IMPG2: variants seen among roughly 807,000 people sequenced by gnomAD.
IMPG2 encodes the protein IPM 200.
IMPG2 carries 91 observed loss-of-function variants against 129.2 expected under a neutral mutation model. The observed-to-expected ratio is 0.70, with a 90% confidence interval of 0.59 to 0.84. The LOEUF is 0.84. Ranked by LOEUF, IMPG2 falls within the 40% of genes least tolerant of loss-of-function variation. The pLI, the probability that IMPG2 is intolerant of heterozygous loss-of-function variation, is 0.00. For missense variants in IMPG2, 1,430 were observed against 1,461.7 expected, an observed-to-expected ratio of 0.98 and a Z score of 0.35; for synonymous variants, 510 against 517.7, an observed-to-expected ratio of 0.99 and a Z score of 0.20.
At chr3:101,290,957 A>G (rs1707003238) in intron 4 of IMPG2, among the ~76,000 whole-genome samples, 1 of 152,124 alleles carries the variant, frequency 6.6e-6, no homozygotes, top group Admixed American at 6.5e-5. Context: ...AAAATCCCTT[A>G]CCTTCTGTCA....
intron 9 of IMPG2, among the ~76,000 whole-genome samples, chr3:101,263,968 C>T (rs1236710754): frequency 6.6e-6 from 1 of 151,362 alleles, no homozygotes; most frequent in Non-Finnish European, 1.5e-5. Context: ...TATGAATAAC[C>T]ATATGCCAAT....
chr3:101,246,937 C>T (rs1387460496), intron 11 of IMPG2, among the ~76,000 whole-genome samples: 1 of 151,726 alleles, frequency 6.6e-6, no homozygotes, highest in African/African-American at 2.4e-5. Flanking sequence ...ATCTCAACAA[C>T]AACAAAAAAT....
intron 4 of IMPG2, among the ~76,000 whole-genome samples, chr3:101,282,669 C>T (rs1218927990): frequency 6.6e-6 from 1 of 152,146 alleles, no homozygotes; most frequent in Non-Finnish European, 1.5e-5. Context: ...TACCCAATTT[C>T]ATTGTGAGAA....
rs896580120 is a variant in IMPG2 at position 101,222,869 on chromosome 3, A to T, written c.*4100T>A. 4 of 152,218 alleles carry T rather than the reference A, an allele frequency of 2.6e-5. No homozygotes were observed. Among genetic ancestry groups the T allele is most frequent in the Admixed American group, 2.0e-4 (3 of 15,276 alleles). The allele number at this position is 152,218 out of a possible 1,614,324, so 9.4% of individuals were successfully genotyped here. ...AATTATACCTGTATTCTCTGATACC[A>T]CAATTATTTTTTCTATATATAATCT... On this transcript the variant is annotated 3_prime_UTR_variant, in exon 19 of 19. Coordinates refer to ENST00000193391, the MANE Select transcript of IMPG2 (RefSeq NM_016247.4).
At chr3:101,233,043 G>A (rs1706307815) in intron 14 of IMPG2, 52 bp from the exon 15 acceptor site, 1 of 1,536,794 alleles carries the variant, frequency 6.5e-7, no homozygotes, top group Non-Finnish European at 9.0e-7. Context: ...ACAGAAACTG[G>A]GGTATACAAA....
chr3:101,234,458 G>A lies in IMPG2; in HGVS notation c.3023-1467C>T, dbSNP rs1434290116. On this transcript the variant is annotated intron_variant, in intron 14 of 18. Coordinates refer to ENST00000193391, the MANE Select transcript of IMPG2 (RefSeq NM_016247.4). ...AAGAACTGTGGGAGAATAAATTCCT[G>A]TTGTTTTAAGGCACCTAGTTTGTGG... 2.6e-5 allele frequency among the ~76,000 whole-genome samples: 4 copies of A among 152,180 alleles called. No individual in the cohort carries two copies. The East Asian group carries it at 7.7e-4, about 29-fold the overall frequency.
chr3:101,246,126 A>T, intron 11 of IMPG2, 21 bp from the exon 12 acceptor site: 8 of 1,611,262 alleles, frequency 5.0e-6, no homozygotes, highest in Non-Finnish European at 6.8e-6. Flanking sequence ...AAAAAGGCTA[A>T]ATCATATCAT....
At chr3:101,284,228 ATG>A (rs1335198479) in intron 4 of IMPG2, among the ~76,000 whole-genome samples, 1 of 152,178 alleles carries the variant, frequency 6.6e-6, no homozygotes, top group Non-Finnish European at 1.5e-5. Flanking sequence ...TCAGTTGTGG[ATG>A]TGTTGAGTTT....
chr3:101,247,593 G>A (rs545813531), intron 11 of IMPG2, among the ~76,000 whole-genome samples: 31 of 83,998 alleles, frequency 3.7e-4, no homozygotes, highest in African/African-American at 9.8e-4. Flanking sequence ...GCAAAACTCC[G>A]TCTCAAAATA....
At chr3:101,279,317 A>C (rs1706869472) in intron 4 of IMPG2, among the ~76,000 whole-genome samples, 1 of 152,194 alleles carries the variant, frequency 6.6e-6, no homozygotes, top group Non-Finnish European at 1.5e-5. Context: ...ATGCTAGAAG[A>C]GGTTAAGAAT....
chr3:101,317,681 A>C (rs2107147253), intron 2 of IMPG2, among the ~76,000 whole-genome samples: 1 of 152,298 alleles, frequency 6.6e-6, no homozygotes, highest in South Asian at 2.1e-4. Flanking sequence ...TGGTGTGCCA[A>C]CCATCTTAGC....
rs1045747660 is a variant in IMPG2 at position 101,319,809 on chromosome 3, C to T, written c.109G>A (p.Glu37Lys). ...ACTGCACTCTTGGGTTCTTGGATCTCCTCTATAGATAAGTAGGTTTGTGCT... is the reference window on the plus strand; with the variant it reads ...ACTGCACTCTTGGGTTCTTGGATCTTCTCTATAGATAAGTAGGTTTGTGCT... ...LTAQTYLSIE[E>K]IQEPKSAVSF... The change falls in exon 2 of 19, where the codon GAG (glutamate) becomes AAG (lysine). Residue 37 changes from glutamate to lysine, a missense_variant. Glu to Lys is a moderately conservative substitution (Grantham distance 56). Transcript: ENST00000193391. The T allele has an allele frequency of 1.6e-5, 25 of 1,612,488 alleles. No homozygotes were observed. The highest frequency in any genetic ancestry group is 2.7e-5 in the African/African-American group (2 of 74,864).
At chr3:101,283,300 C>T (rs1706913227) in intron 4 of IMPG2, among the ~76,000 whole-genome samples, 1 of 152,126 alleles carries the variant, frequency 6.6e-6, no homozygotes, top group South Asian at 2.1e-4. Context: ...GCTGGGATTA[C>T]AGGCGTTGAG....
chr3:101,269,379 T>C (rs1022713724), intron 8 of IMPG2, 136 bp downstream of exon 8: 2 of 613,212 alleles, frequency 3.3e-6, no homozygotes, highest in Admixed American at 5.8e-5. Flanking sequence ...TCAAGAATAC[T>C]AATTTACCAG....
At chr3:101,319,915 G>A in intron 1 of IMPG2, 83 bp from the exon 2 acceptor site, 1 of 1,439,112 alleles carries the variant, frequency 6.9e-7, no homozygotes, top group Admixed American at 1.7e-5. Context: ...TGACACTTGG[G>A]CTACATTAAG....
intron 2 of IMPG2, among the ~76,000 whole-genome samples, chr3:101,319,256 C>T (rs1014745218): frequency 2.0e-5 from 3 of 151,998 alleles, no homozygotes; most frequent in Non-Finnish European, 4.4e-5. Context: ...TTGTGACTGC[C>T]CTCATGTGAA....
At chr3:101,264,771 C>T (rs566284667) in intron 9 of IMPG2, among the ~76,000 whole-genome samples, 5 of 151,720 alleles carry the variant, frequency 3.3e-5, no homozygotes, top group Admixed American at 6.6e-5. Flanking sequence ...CCCTGTTTGC[C>T]GATCATGTGA....
intron 2 of IMPG2, among the ~76,000 whole-genome samples, chr3:101,312,046 T>G (rs1707267974): frequency 6.6e-6 from 1 of 151,740 alleles, no homozygotes; most frequent in Non-Finnish European, 1.5e-5. Flanking sequence ...CAACTCAAAA[T>G]AGATGAAAAA....
chr3:101,264,554 C>T (rs933816035), intron 9 of IMPG2, among the ~76,000 whole-genome samples: 2 of 151,836 alleles, frequency 1.3e-5, no homozygotes, highest in African/African-American at 4.8e-5. Context: ...CACCTCAATA[C>T]AATAAAGTCC....
Sources: allele counts gnomAD v4.1 joint callset (sites outside exome capture counted in the v4.1 genomes callset), GRCh38; gene constraint gnomAD v4.1.1; transcripts MANE v1.5; gene names NCBI Gene and HGNC (gene_info 2026-07-23, HGNC 2026-07-21).